Variants in SEL1L3 observed in about 807,000 individuals in gnomAD.
SEL1L3 encodes the protein SEL1L family member 3.
Under a neutral mutation model 142.8 loss-of-function variants are expected in SEL1L3, and 76 were observed. That is an observed-to-expected ratio of 0.53 (90% CI 0.44 to 0.64). The LOEUF (loss-of-function observed/expected upper bound fraction) is 0.64. Among genes scored for constraint, SEL1L3 ranks in the 30% least tolerant of loss-of-function variants. SEL1L3 has a pLI of 0.00. For synonymous variants in SEL1L3, 504 were observed against 519.6 expected (o/e 0.97, Z 0.41); for missense variants, 1,262 against 1,381.7 (o/e 0.91, Z 1.37).
chr4:25,838,372 A>C (rs1002465755), intron 2 of SEL1L3, among the ~76,000 whole-genome samples: 1 of 152,200 alleles, frequency 6.6e-6, no homozygotes, highest in Non-Finnish European at 1.5e-5. Context: ...TAGAGCAAGA[A>C]GAGGCAACAG....
chr4:25,746,520 ATATATATT>A (rs1325421637), downstream of SEL1L3, among the ~76,000 whole-genome samples: 3 of 138,912 alleles, frequency 2.2e-5, no homozygotes, highest in South Asian at 4.3e-4. Context: ...ATATATATAT[ATATATATT>A]TAAATATATA....
intron 1 of SEL1L3, among the ~76,000 whole-genome samples, chr4:25,855,575 GT>G (rs1295445758): frequency 6.6e-6 from 1 of 152,180 alleles, no homozygotes; most frequent in African/African-American, 2.4e-5. Context: ...GGTCAACAAG[GT>G]GAAACCTTGT....
the SEL1L3 span, among the ~76,000 whole-genome samples, chr4:25,733,522 G>GC: frequency 5.2e-5 from 6 of 116,164 alleles, no homozygotes; most frequent in African/African-American, 8.9e-5. Context: ...ATATTCCTTA[G>GC]CTTTTTTTTT....
intron 11 of SEL1L3, among the ~76,000 whole-genome samples, chr4:25,800,599 G>A (rs1713106670): frequency 6.6e-6 from 1 of 151,844 alleles, no homozygotes; most frequent in Non-Finnish European, 1.5e-5. Context: ...AACACATCCA[G>A]GCTTAGTTAA....
intron 23 of SEL1L3, among the ~76,000 whole-genome samples, chr4:25,750,000 C>T (rs1054922227): frequency 3.3e-5 from 5 of 151,714 alleles, no homozygotes; most frequent in African/African-American, 4.8e-5. Flanking sequence ...TCGGGAGGCC[C>T]GGACGGCCGG....
intron 19 of SEL1L3, among the ~76,000 whole-genome samples, chr4:25,766,569 A>G (rs2109137570): frequency 6.6e-6 from 1 of 152,240 alleles, no homozygotes; most frequent in East Asian, 1.9e-4. Flanking sequence ...AGAGCTGAAA[A>G]GGCAAATGGA....
the SEL1L3 span, among the ~76,000 whole-genome samples, chr4:25,723,547 GTGAAATA>G: frequency 9.2e-5 from 14 of 152,316 alleles, no homozygotes; most frequent in Non-Finnish European, 1.5e-4. Context: ...TAAGAATTCA[GTGAAATA>G]GAAGCCTAAG....
chr4:25,851,813 C>T (rs1024611096), intron 1 of SEL1L3, among the ~76,000 whole-genome samples: 4 of 146,480 alleles, frequency 2.7e-5, no homozygotes, highest in Non-Finnish European at 5.9e-5. Flanking sequence ...TGCTTGAACC[C>T]GGGAGGCAGA....
At chr4:25,836,307 C>T (rs1715811134) in intron 2 of SEL1L3, among the ~76,000 whole-genome samples, 1 of 152,066 alleles carries the variant, frequency 6.6e-6, no homozygotes, top group Admixed American at 6.5e-5. Flanking sequence ...CCCTATTCTC[C>T]CCAACTAAAG....
the SEL1L3 span, among the ~76,000 whole-genome samples, chr4:25,724,629 C>T: frequency 2.7e-5 from 4 of 148,658 alleles, no homozygotes; most frequent in East Asian, 2.0e-4. Context: ...ATCAGCCACT[C>T]GGGAGGCTGA....
intron 23 of SEL1L3, among the ~76,000 whole-genome samples, chr4:25,751,569 G>A (rs1307259138): frequency 4.0e-5 from 6 of 151,884 alleles, no homozygotes; most frequent in Admixed American, 3.9e-4. Flanking sequence ...AAGAAAGACT[G>A]AGCTGCCTGG....
chr4:25,802,917 T>C lies in SEL1L3; in HGVS notation c.1777-455A>G, dbSNP rs561012707. Among the ~76,000 whole-genome samples the C allele has an allele frequency of 2.0e-5, 3 of 152,318 alleles. No homozygotes were observed. In the East Asian group the frequency reaches 5.8e-4, roughly 29 times the overall value. On this transcript the variant is annotated intron_variant, in intron 10 of 23. Transcript: ENST00000399878. ...GAAAAAAGCCAATCTAGCTTTCTAT[T>C]GGTTTACAAATTTCCAGCTAGCTGC...
At chr4:25,798,637 G>A (rs527916327) in intron 11 of SEL1L3, among the ~76,000 whole-genome samples, 1 of 152,306 alleles carries the variant, frequency 6.6e-6, no homozygotes, top group South Asian at 2.1e-4. Context: ...AGACCAGCCT[G>A]GCCAACATGG....
intron 16 of SEL1L3, among the ~76,000 whole-genome samples, chr4:25,778,241 T>A (rs1719768115): frequency 6.6e-6 from 1 of 152,004 alleles, no homozygotes; most frequent in Non-Finnish European, 1.5e-5. Context: ...GGAGGGAAAG[T>A]AAATACCCAT....
intron 17 of SEL1L3, among the ~76,000 whole-genome samples, chr4:25,770,739 C>CAA (rs57317400): frequency 3.9e-4 from 38 of 97,334 alleles, no homozygotes; most frequent in African/African-American, 1.2e-3. Flanking sequence ...GACTCTGTCT[C>CAA]AAAAAAAAAA....
chr4:25,839,800 T>C (rs953026670), intron 2 of SEL1L3, among the ~76,000 whole-genome samples: 2 of 145,748 alleles, frequency 1.4e-5, no homozygotes, highest in Non-Finnish European at 3.1e-5. Context: ...GTATTACTTT[T>C]TCGTCTACGA....
chr4:25,757,546 G>T lies in SEL1L3; in HGVS notation c.3247C>A (p.Gln1083Lys), dbSNP rs1718069729. 1 of 1,548,160 alleles carries T rather than the reference G, an allele frequency of 6.5e-7. No homozygotes were observed. Among genetic ancestry groups the T allele is most frequent in the African/African-American group, 1.4e-5 (1 of 72,278 alleles). Residue 1083 changes from glutamine (Q) to lysine (K), a missense_variant, in exon 23 of 24, where the codon CAG becomes AAG. Gln to Lys is a moderately conservative substitution (Grantham distance 53). Transcript: ENST00000399878. ...TATAAATCTTTACCTGAGACAGACT[G>T]GAAATACTGCACAGTCCAGGCGATC... ...ILIAWTVQYF[Q>K]SVSASDPPPR...
intron 1 of SEL1L3, among the ~76,000 whole-genome samples, chr4:25,860,020 T>G (rs1717579753): frequency 6.6e-6 from 1 of 152,196 alleles, no homozygotes; most frequent in Non-Finnish European, 1.5e-5. Flanking sequence ...TAGTGTGGTT[T>G]AGAGCTGGGG....
intron 13 of SEL1L3, 89 bp from the exon 14 acceptor site, chr4:25,784,379 A>G: frequency 9.6e-7 from 1 of 1,042,954 alleles, no homozygotes; most frequent in Non-Finnish European, 1.5e-6. Flanking sequence ...TAAAATACTT[A>G]AAAATAAAAC....
Sources: gnomAD v4.1 joint callset for allele counts (sites outside exome capture counted in the v4.1 genomes callset) on GRCh38, gnomAD v4.1.1 for gene constraint, MANE v1.5 for transcripts, NCBI Gene and HGNC (gene_info 2026-07-23, HGNC 2026-07-21) for gene names.